DAB1: variants seen among roughly 807,000 people sequenced by gnomAD.
The protein encoded by DAB1 is DAB adaptor protein 1, also known as disabled homolog 1.
In DAB1, 15 loss-of-function variants were observed where a neutral mutation model predicts 64.6. That is an observed-to-expected ratio of 0.23 (90% CI 0.16 to 0.36). The LOEUF (loss-of-function observed/expected upper bound fraction) is 0.36. Ranked by LOEUF, DAB1 falls within the 10% of genes least tolerant of loss-of-function variation. The pLI is 1.00. For missense variants in DAB1, 596 were observed against 706.7 expected, an observed-to-expected ratio of 0.84 and a Z score of 1.78; for synonymous variants, 235 against 251.9, an observed-to-expected ratio of 0.93 and a Z score of 0.64.
chr1:58,338,174 TA>T (rs1047518438), intron 4 of DAB1, among the ~76,000 whole-genome samples: 4 of 152,124 alleles, frequency 2.6e-5, no homozygotes, highest in African/African-American at 9.7e-5. Flanking sequence ...TGTTTGAAAA[TA>T]AAAGACAAAA....
downstream of DAB1, among the ~76,000 whole-genome samples, chr1:57,822,983 ATTTT>A (rs71246208): frequency 4.6e-5 from 6 of 131,272 alleles, no homozygotes; most frequent in Non-Finnish European, 4.8e-5. Context: ...TAATTTAGGA[ATTTT>A]TTTTTTTTTT....
At chr1:57,237,607 T>C (rs1027121175) in intron 2 of DAB1, among the ~76,000 whole-genome samples, 2 of 152,318 alleles carry the variant, frequency 1.3e-5, no homozygotes, top group South Asian at 2.1e-4. Context: ...CCTAACTAAC[T>C]ACTGTTTAAT....
intron 7 of DAB1, among the ~76,000 whole-genome samples, chr1:57,491,925 G>A (rs75562327): frequency 0.024 from 3,642 of 152,274 alleles, 150 homozygotes; most frequent in African/African-American, 0.083. Flanking sequence ...AAGGAAGGGA[G>A]CGGTAGTCTA....
chr1:57,537,348 A>G (rs1644742484), intron 7 of DAB1, among the ~76,000 whole-genome samples: 2 of 152,200 alleles, frequency 1.3e-5, no homozygotes, highest in Admixed American at 1.3e-4. Flanking sequence ...ATGAGGCTTC[A>G]GAGTCTATTT....
intron 4 of DAB1, among the ~76,000 whole-genome samples, chr1:58,215,283 C>T (rs1451390246): frequency 6.6e-6 from 1 of 152,086 alleles, no homozygotes; most frequent in African/African-American, 2.4e-5. Flanking sequence ...AGGCTAGCTC[C>T]TTCTTGTCAT....
At chr1:58,251,924 C>T (rs933706083) in intron 4 of DAB1, among the ~76,000 whole-genome samples, 7 of 152,164 alleles carry the variant, frequency 4.6e-5, no homozygotes, top group Non-Finnish European at 1.5e-5. Flanking sequence ...TCCCTGACCT[C>T]CACAACCACA....
chr1:57,057,726 G>T (rs1649937345), intron 9 of DAB1, among the ~76,000 whole-genome samples: 1 of 151,330 alleles, frequency 6.6e-6, no homozygotes, highest in Non-Finnish European at 1.5e-5. Context: ...TCCTGCCTCA[G>T]CCTCCCAAGC....
chr1:57,715,719 T>A (rs1647076123), intron 6 of DAB1, among the ~76,000 whole-genome samples: 1 of 152,002 alleles, frequency 6.6e-6, no homozygotes. Context: ...AGAAATAATT[T>A]AGCCAAAGAG....
chr1:57,040,352 C>A (rs574299849), intron 9 of DAB1, among the ~76,000 whole-genome samples: 1 of 152,156 alleles, frequency 6.6e-6, no homozygotes, highest in East Asian at 1.9e-4. Context: ...TCATGATAGC[C>A]AAGATGGGGC....
intron 7 of DAB1, among the ~76,000 whole-genome samples, chr1:57,618,741 C>T (rs1645819711): frequency 8.6e-6 from 1 of 116,094 alleles, no homozygotes; most frequent in South Asian, 2.7e-4. Flanking sequence ...AATAGCATTA[C>T]TATTTTTTTA....
chr1:58,255,458 A>T (rs1383456718), intron 4 of DAB1, among the ~76,000 whole-genome samples: 1 of 151,086 alleles, frequency 6.6e-6, no homozygotes, highest in Non-Finnish European at 1.5e-5. Context: ...CTCTCCTTCT[A>T]TACCCCCATT....
chr1:57,787,990 T>TA (rs34931879), intron 6 of DAB1, among the ~76,000 whole-genome samples: 76,296 of 150,422 alleles, frequency 0.51, 20,457 homozygotes, highest in South Asian at 0.66. Flanking sequence ...GATTAAATAT[T>TA]AAAAAAAAAA....
intron 6 of DAB1, among the ~76,000 whole-genome samples, chr1:57,736,721 T>C (rs1190703871): frequency 6.6e-6 from 1 of 152,076 alleles, no homozygotes; most frequent in Non-Finnish European, 1.5e-5. Flanking sequence ...GGCCATTAAT[T>C]CTCCCCTCCC....
At chr1:57,785,007 CT>C (rs1348670674) in intron 6 of DAB1, among the ~76,000 whole-genome samples, 1 of 152,112 alleles carries the variant, frequency 6.6e-6, no homozygotes, top group East Asian at 1.9e-4. Context: ...GCTAACGTAG[CT>C]GGAGACTTTA....
chr1:57,402,529 C>A (rs972113885), intron 1 of DAB1, among the ~76,000 whole-genome samples: 16 of 152,156 alleles, frequency 1.1e-4, no homozygotes, highest in African/African-American at 3.6e-4. Context: ...CAGCTGGGGA[C>A]TGAAGTGCCC....
At chr1:57,542,521 A>G (rs1644814228) in intron 7 of DAB1, among the ~76,000 whole-genome samples, 1 of 150,892 alleles carries the variant, frequency 6.6e-6, no homozygotes, top group Non-Finnish European at 1.5e-5. Context: ...AGGGAACAGC[A>G]CAGACCAAGA....
intron 4 of DAB1, among the ~76,000 whole-genome samples, chr1:57,095,839 G>C (rs1048916288): frequency 2.6e-5 from 4 of 152,120 alleles, no homozygotes; most frequent in African/African-American, 9.7e-5. Flanking sequence ...GATGTATTAG[G>C]GACAGTAGCC....
chr1:58,249,909 C>G (rs904716927), intron 4 of DAB1, among the ~76,000 whole-genome samples: 8 of 152,236 alleles, frequency 5.3e-5, no homozygotes, highest in Non-Finnish European at 1.2e-4. Context: ...GCGCACACTG[C>G]AGCCGCCGCC....
At chr1:57,941,212 A>C (rs763334488) in intron 5 of DAB1, among the ~76,000 whole-genome samples, 1 of 152,232 alleles carries the variant, frequency 6.6e-6, no homozygotes, top group African/African-American at 2.4e-5. Context: ...TGGGTCTCAC[A>C]GCAATAACAC....
Sources: gnomAD v4.1 joint callset for allele counts (sites outside exome capture counted in the v4.1 genomes callset) on GRCh38, gnomAD v4.1.1 for gene constraint, MANE v1.5 for transcripts, NCBI Gene and HGNC (gene_info 2026-07-23, HGNC 2026-07-21) for gene names.